ELK3: variants seen among roughly 807,000 people sequenced by gnomAD.
ELK3 encodes ETS domain-containing protein Elk-3.
In ELK3, 10 loss-of-function variants were observed where a neutral mutation model predicts 28.9. That is an observed-to-expected ratio of 0.35 (90% CI 0.21 to 0.59). ELK3 has a LOEUF of 0.59. Ranked by LOEUF, ELK3 falls within the 20% of genes least tolerant of loss-of-function variation. ELK3 has a pLI of 0.82. For missense variants in ELK3, 463 were observed against 517.3 expected, an observed-to-expected ratio of 0.90 and a Z score of 1.02; for synonymous variants, 272 against 243.5, an observed-to-expected ratio of 1.12 and a Z score of -1.09.
intron 1 of ELK3, among the ~76,000 whole-genome samples, chr12:96,200,198 CAT>C (rs1159004355): frequency 6.6e-6 from 1 of 151,978 alleles, no homozygotes; most frequent in African/African-American, 2.4e-5. Flanking sequence ...GTGTTGGGAA[CAT>C]CCATTATCTT....
In ELK3 at chr12:96,266,376, C is replaced by G. The variant is rs867832182; in HGVS notation, c.1126-706C>G. On this transcript the variant is annotated intron_variant, in intron 4 of 4. Coordinates refer to ENST00000228741, the MANE Select transcript of ELK3 (RefSeq NM_005230.4). Reference sequence around the variant, plus strand: ...TTGCAAGTAGTCACATATTAAAAGGCCTTGTTCAGTTGGGATTGCAACTAA... The same window carrying G: ...TTGCAAGTAGTCACATATTAAAAGGGCTTGTTCAGTTGGGATTGCAACTAA... Among the ~76,000 whole-genome samples, 5 of 152,204 alleles carry G rather than the reference C, an allele frequency of 3.3e-5. No individual in the cohort carries two copies. The South Asian group carries it at 6.2e-4, about 19-fold the overall frequency.
chr12:96,214,052 A>G (rs79755266), intron 1 of ELK3, among the ~76,000 whole-genome samples: 2,354 of 152,278 alleles, frequency 0.015, 57 homozygotes, highest in African/African-American at 0.054. Flanking sequence ...TGTGCTAGAT[A>G]TTACATTGTG....
chr12:96,208,086 T>C (rs766548881), intron 1 of ELK3, among the ~76,000 whole-genome samples: 3 of 152,168 alleles, frequency 2.0e-5, no homozygotes, highest in Non-Finnish European at 4.4e-5. Context: ...AGAGTCTCGC[T>C]CTGTTGCCAT....
At chr12:96,217,930 G>A (rs984742831) in intron 1 of ELK3, among the ~76,000 whole-genome samples, 14 of 119,164 alleles carry the variant, frequency 1.2e-4, no homozygotes, top group African/African-American at 2.6e-4. Context: ...AAAGAGAGAC[G>A]CCGTCTCAAA....
chr12:96,234,037 C>T (rs1951762243), intron 2 of ELK3, among the ~76,000 whole-genome samples: 1 of 152,214 alleles, frequency 6.6e-6, no homozygotes, highest in Non-Finnish European at 1.5e-5. Flanking sequence ...GCTTAGAGAC[C>T]TGTGGAGTGG....
At chr12:96,219,422 GTT>G in intron 1 of ELK3, among the ~76,000 whole-genome samples, 1 of 152,208 alleles carries the variant, frequency 6.6e-6, no homozygotes, top group Non-Finnish European at 1.5e-5. Context: ...CAAAGTCTGT[GTT>G]TTCCAACACC....
At chr12:96,218,201 T>G (rs1951633908) in intron 1 of ELK3, among the ~76,000 whole-genome samples, 1 of 151,964 alleles carries the variant, frequency 6.6e-6, no homozygotes, top group South Asian at 2.1e-4. Flanking sequence ...CTGGTAGAAA[T>G]GGTGAGAGAC....
chr12:96,242,496 C>T (rs1000976551), intron 2 of ELK3, among the ~76,000 whole-genome samples: 1 of 152,224 alleles, frequency 6.6e-6, no homozygotes, highest in Non-Finnish European at 1.5e-5. Context: ...TGAGTCTTCT[C>T]AGCAAACTCT....
intron 2 of ELK3, among the ~76,000 whole-genome samples, chr12:96,235,765 T>TC (rs933198838): frequency 1.3e-5 from 2 of 151,940 alleles, no homozygotes; most frequent in African/African-American, 4.8e-5. Flanking sequence ...TGTTAGCAGC[T>TC]CCCCCACCCA....
intron 3 of ELK3, among the ~76,000 whole-genome samples, chr12:96,248,323 A>G (rs1951875407): frequency 6.6e-6 from 1 of 152,270 alleles, no homozygotes; most frequent in East Asian, 1.9e-4. Context: ...GCAAACTTGC[A>G]GAGCCAAAAA....
At chr12:96,230,151 T>C (rs1215022637) in intron 2 of ELK3, among the ~76,000 whole-genome samples, 1 of 152,208 alleles carries the variant, frequency 6.6e-6, no homozygotes, top group Non-Finnish European at 1.5e-5. Context: ...ACATACTTAC[T>C]ATTATATTGC....
intron 1 of ELK3, among the ~76,000 whole-genome samples, chr12:96,195,878 C>G (rs985646959): frequency 6.8e-6 from 1 of 146,376 alleles, no homozygotes; most frequent in Non-Finnish European, 1.5e-5. Context: ...CCGCCCCTTC[C>G]CCGCCAGCCC....
chr12:96,260,786 G>A (rs1292849582), intron 4 of ELK3, among the ~76,000 whole-genome samples: 4 of 152,146 alleles, frequency 2.6e-5, no homozygotes, highest in South Asian at 4.1e-4. Context: ...TTTTCTCATC[G>A]TCCCTGCCTG....
chr12:96,227,724 T>C (rs1035509703), intron 2 of ELK3, among the ~76,000 whole-genome samples: 1 of 152,206 alleles, frequency 6.6e-6, no homozygotes, highest in African/African-American at 2.4e-5. Flanking sequence ...CAGATTATAA[T>C]AACGAGGTAG....
At chr12:96,245,407 T>A (rs952445389) in intron 2 of ELK3, among the ~76,000 whole-genome samples, 2 of 152,246 alleles carry the variant, frequency 1.3e-5, no homozygotes, top group African/African-American at 4.8e-5. Context: ...CAAATGACTC[T>A]CCATCCCTGG....
At chr12:96,205,057 G>C (rs1951531089) in intron 1 of ELK3, among the ~76,000 whole-genome samples, 1 of 152,226 alleles carries the variant, frequency 6.6e-6, no homozygotes, top group African/African-American at 2.4e-5. Context: ...AGTTGGTGCT[G>C]CTCCTCTTTG....
At chr12:96,255,073 G>T (rs1951937789) in intron 3 of ELK3, among the ~76,000 whole-genome samples, 1 of 152,130 alleles carries the variant, frequency 6.6e-6, no homozygotes. Context: ...GAATATTCCA[G>T]GCGAAAGACC....
chr12:96,247,714 C>T lies in ELK3; in HGVS notation c.982C>T (p.Pro328Ser), dbSNP rs1951869992. Residue 328 changes from proline to serine, a missense_variant, in exon 3 of 5, where the codon CCA becomes TCA. Pro to Ser is a moderately conservative substitution (Grantham distance 74). This residue lies in a region of ELK3 where 408 missense variants were observed against 414.8 expected (regional missense o/e 0.98). Transcript: ENST00000228741. This position sits in a 1 kb window ranked among gnomAD's most constrained non-coding sequence, Gnocchi z 5.5. ...SPALPSGSLT[P>S]AFFTAQTPNG... Reference sequence around the variant, plus strand: ...AGCCCTCCCCTCGGGATCCCTCACCCCAGCCTTCTTCACCGCACAGGTAAG... The same window carrying T: ...AGCCCTCCCCTCGGGATCCCTCACCTCAGCCTTCTTCACCGCACAGGTAAG... 5 of 1,592,004 alleles carry T rather than the reference C, an allele frequency of 3.1e-6. No homozygotes were observed. The highest frequency in any genetic ancestry group is 4.3e-6 in the Non-Finnish European group (5 of 1,169,834).
At chr12:96,199,682 A>G (rs943743281) in intron 1 of ELK3, among the ~76,000 whole-genome samples, 1 of 152,230 alleles carries the variant, frequency 6.6e-6, no homozygotes, top group Admixed American at 6.5e-5. Flanking sequence ...GTTTTAAAGT[A>G]AACTTTGAAC....
Sources: allele counts gnomAD v4.1 joint callset (sites outside exome capture counted in the v4.1 genomes callset), GRCh38; gene constraint gnomAD v4.1.1; regional missense constraint gnomAD v4.1.1; non-coding constraint Gnocchi (gnomAD v3.1); transcripts MANE v1.5; gene names NCBI Gene and HGNC (gene_info 2026-07-23, HGNC 2026-07-21).